Variants in FAM228A observed in about 807,000 individuals in gnomAD.
FAM228A encodes the protein family with sequence similarity 228 member A.
A neutral mutation model predicts 18.6 loss-of-function variants in FAM228A; 13 were observed. The observed-to-expected ratio is 0.70, with a 90% confidence interval of 0.45 to 1.11. The LOEUF is 1.11. FAM228A is among the 50% of genes least tolerant of loss of function. The pLI is 0.00. For missense variants in FAM228A, 240 were observed against 242.2 expected (o/e 0.99, Z 0.06); for synonymous variants, 77 against 86.6 (o/e 0.89, Z 0.61).
At chr2:24,176,587 A>G (rs1043861347) in intron 2 of FAM228A, among the ~76,000 whole-genome samples, 1 of 152,248 alleles carries the variant, frequency 6.6e-6, no homozygotes, top group East Asian at 1.9e-4. Flanking sequence ...GCTTTATTTT[A>G]GGAAGACCTG....
chr2:24,183,284 G>A lies in FAM228A; in HGVS notation c.163-1G>A. 6.2e-7 allele frequency: 1 copy of A among 1,610,204 alleles called. No individual in the cohort carries two copies. The highest frequency in any genetic ancestry group is 8.5e-7 in the Non-Finnish European group (1 of 1,176,492). On this transcript the variant is annotated splice_acceptor_variant, in intron 3 of 5. Coordinates refer to ENST00000295150, the MANE Select transcript of FAM228A (RefSeq NM_001040710.3). LOFTEE classifies it high-confidence loss of function. The stretch of plus-strand genomic sequence containing the variant: ...CTCAAAGAGTCTCATTTCTCTTGTA[G>A]GTTACAGTCCCACCATTTGTTGATC...
intron 5 of FAM228A, among the ~76,000 whole-genome samples, chr2:24,186,578 AT>A (rs1304753974): frequency 6.6e-6 from 1 of 152,042 alleles, no homozygotes; most frequent in African/African-American, 2.4e-5. Context: ...ACATATATTA[AT>A]TTTTATGCAT....
chr2:24,188,725 C>T (rs958750087), intron 5 of FAM228A: 19 of 866,848 alleles, frequency 2.2e-5, no homozygotes, highest in African/African-American at 7.3e-5. Flanking sequence ...TGAAGGCTCT[C>T]GCCTCTCTGG....
Position 24,191,618 on chromosome 2 carries a change from T to A in FAM228A, c.*987T>A, listed in dbSNP as rs991562549. The A allele has an allele frequency of 7.1e-5, 32 of 452,630 alleles. No individual in the cohort carries two copies. Among genetic ancestry groups the A allele is most frequent in the Non-Finnish European group, 9.3e-5 (32 of 342,630 alleles). The allele number at this position is 452,630 out of a possible 1,614,324, so 28.0% of individuals were successfully genotyped here. A position where few individuals can be genotyped will look rare whatever the true frequency, so the allele number is the denominator to read the frequency against. ...TGTTGACATACCCACCAGCTCACAT[T>A]TACTGTTTTCGTGTGTGTGGTGAGA... On this transcript the variant is annotated 3_prime_UTR_variant, in exon 6 of 6. Coordinates refer to ENST00000295150, the MANE Select transcript of FAM228A (RefSeq NM_001040710.3).
At chr2:24,175,815 C>A in intron 2 of FAM228A, 3 of 1,058,044 alleles carry the variant, frequency 2.8e-6, no homozygotes, top group Non-Finnish European at 3.8e-6. Context: ...AAGGCAGCCA[C>A]CCCAGCTCCC....
chr2:24,180,806 C>T (rs1667799257), intron 3 of FAM228A, among the ~76,000 whole-genome samples: 1 of 152,174 alleles, frequency 6.6e-6, no homozygotes, highest in South Asian at 2.1e-4. Context: ...CCTGTCATTC[C>T]TGATGTCACA....
chr2:24,184,185 G>T (rs1004932300), intron 5 of FAM228A, among the ~76,000 whole-genome samples: 1 of 152,140 alleles, frequency 6.6e-6, no homozygotes, highest in African/African-American at 2.4e-5. Flanking sequence ...TTTGAGACTA[G>T]CCTGGCCAAC....
rs1166495894 is a variant in FAM228A at position 24,191,263 on chromosome 2, C to T, written c.*632C>T. On this transcript the variant is annotated 3_prime_UTR_variant, in exon 6 of 6. Transcript: ENST00000295150. ...GCCTAGGGGGCTTGGTGGGCCACCG[C>T]TCAGCTCAGGACCTGACAGCGTCAC... The T allele has an allele frequency of 1.0e-6, 1 of 985,664 alleles. No individual in the cohort carries two copies. Among genetic ancestry groups the T allele is most frequent in the African/African-American group, 1.7e-5 (1 of 57,352 alleles). 61.1% of individuals were successfully genotyped at this position (985,664 alleles called of 1,614,324 possible). A position where few individuals can be genotyped will look rare whatever the true frequency, so the allele number is the denominator to read the frequency against.
chr2:24,185,082 C>T (rs1194795704), intron 5 of FAM228A, among the ~76,000 whole-genome samples: 1 of 152,238 alleles, frequency 6.6e-6, no homozygotes, highest in East Asian at 1.9e-4. Flanking sequence ...CTTGGCCTCC[C>T]AAAGTGCTGG....
chr2:24,178,160 C>G (rs541067217), intron 3 of FAM228A, among the ~76,000 whole-genome samples: 1 of 152,350 alleles, frequency 6.6e-6, no homozygotes, highest in African/African-American at 2.4e-5. Flanking sequence ...TTCTTTCCTA[C>G]TCACACTTGC....
In FAM228A at chr2:24,191,383, AGTCCCATCGCT is replaced by A. The variant is rs1668081104; in HGVS notation, c.*758_*768del. 1.0e-6 allele frequency: 1 copy of A among 985,402 alleles called. No homozygotes were observed. Among genetic ancestry groups the A allele is most frequent in the African/African-American group, 1.7e-5 (1 of 57,236 alleles). 61.0% of individuals were successfully genotyped at this position (985,402 alleles called of 1,614,324 possible). On this transcript the variant is annotated 3_prime_UTR_variant, in exon 6 of 6. Transcript: ENST00000295150. ...GTATTTTGTGACCCAGCTCCTGCTCAGTCCCATCGCTGTCCCCGGTCTCTCCAGGGAGTAAG... is the reference window on the plus strand; with the variant it reads ...GTATTTTGTGACCCAGCTCCTGCTCAGTCCCCGGTCTCTCCAGGGAGTAAG...
At chr2:24,184,563 A>G (rs994393046) in intron 5 of FAM228A, among the ~76,000 whole-genome samples, 9 of 152,124 alleles carry the variant, frequency 5.9e-5, no homozygotes, top group Admixed American at 2.0e-4. Flanking sequence ...ATATTTGACT[A>G]TGCCATCATT....
chr2:24,183,724 C>A, intron 5 of FAM228A, 79 bp downstream of exon 5: 2 of 1,226,850 alleles, frequency 1.6e-6, no homozygotes, highest in Non-Finnish European at 2.3e-6. Context: ...TGTAACTAGT[C>A]ACACTTTTGT....
chr2:24,183,483 A>G lies in FAM228A; in HGVS notation c.251-12A>G, dbSNP rs762127661. 7 of 1,608,258 alleles carry G rather than the reference A, an allele frequency of 4.4e-6. No individual in the cohort carries two copies. Among genetic ancestry groups the G allele is most frequent in the Admixed American group, 1.7e-5 (1 of 59,116 alleles). The stretch of plus-strand genomic sequence containing the variant: ...TGAAGAGTGTTGATTTCGATTTTTT[A>G]TCTTCCTGTAGGAAAACGACATTCC... On this transcript the variant is annotated splice_polypyrimidine_tract_variant and intron_variant, in intron 4 of 5. Coordinates refer to ENST00000295150, the MANE Select transcript of FAM228A (RefSeq NM_001040710.3).
chr2:24,191,484 C>T lies in FAM228A; in HGVS notation c.*853C>T. The T allele has an allele frequency of 1.0e-6, 1 of 985,384 alleles. No individual in the cohort carries two copies. The highest frequency in any genetic ancestry group is 1.2e-6 in the Non-Finnish European group (1 of 829,864). 61.0% of individuals were successfully genotyped at this position (985,384 alleles called of 1,614,324 possible). On this transcript the variant is annotated 3_prime_UTR_variant, in exon 6 of 6. Coordinates refer to ENST00000295150, the MANE Select transcript of FAM228A (RefSeq NM_001040710.3). ...CAGTTTCCTCTGAGCATAATTATAT[C>T]TGAGAGCACAGGGAGCTCCTCATTC...
chr2:24,176,218 A>C, intron 2 of FAM228A: 2 of 983,582 alleles, frequency 2.0e-6, no homozygotes, highest in Non-Finnish European at 2.4e-6. Context: ...TTCTTTAAGA[A>C]GGTGACTTCC....
chr2:24,177,024 G>A (rs925458459), intron 2 of FAM228A, among the ~76,000 whole-genome samples: 3 of 152,218 alleles, frequency 2.0e-5, no homozygotes, highest in African/African-American at 7.2e-5. Context: ...GTTGTTTGGA[G>A]GCCATGAGCT....
rs75121759 is a variant in FAM228A, at chr2:24,175,586, G to A, written c.93+13G>A. On this transcript the variant is annotated intron_variant, in intron 2 of 5. Transcript: ENST00000295150. ...TTCTTTAATGGAGGTGAGATAACGT[G>A]GCGTTTTGAGACGTCATTTTGGCGG... 0.039 allele frequency: 62,583 copies of A among 1,596,910 alleles called. 1,451 individuals carry two copies. The highest frequency in any genetic ancestry group is 0.041 in the Non-Finnish European group (47,507 of 1,164,254).
chr2:24,180,974 G>C (rs999182767), intron 3 of FAM228A, among the ~76,000 whole-genome samples: 1 of 152,196 alleles, frequency 6.6e-6, no homozygotes, highest in African/African-American at 2.4e-5. Context: ...GCCGACATTA[G>C]CCGATGAATT....
Sources: gnomAD v4.1 joint callset for allele counts (sites outside exome capture counted in the v4.1 genomes callset) on GRCh38, gnomAD v4.1.1 for gene constraint, MANE v1.5 for transcripts, NCBI Gene and HGNC (gene_info 2026-07-23, HGNC 2026-07-21) for gene names.